Variants in SEMA6D observed in about 807,000 individuals in gnomAD.
SEMA6D encodes semaphorin 6D, also known as semaphorin-6D.
Under a neutral mutation model 106.6 loss-of-function variants are expected in SEMA6D, and 35 were observed. The ratio of observed to expected loss-of-function variants is 0.33; its 90% CI spans 0.25 to 0.44. The LOEUF is 0.44. SEMA6D is among the 20% of genes least tolerant of loss of function. The pLI is 1.00. For synonymous variants in SEMA6D, 499 were observed against 487.7 expected (o/e 1.02, Z -0.31); for missense variants, 1,185 against 1,345.9 (o/e 0.88, Z 1.87).
chr15:47,712,100 T>C (rs566138328), intron 4 of SEMA6D, among the ~76,000 whole-genome samples: 1 of 152,358 alleles, frequency 6.6e-6, no homozygotes, highest in East Asian at 1.9e-4. Context: ...ATATGAATAA[T>C]AGAATGTATA....
intron 3 of SEMA6D, among the ~76,000 whole-genome samples, chr15:47,502,311 A>G (rs1178700435): frequency 2.6e-5 from 4 of 152,214 alleles, no homozygotes; most frequent in Admixed American, 2.0e-4. Context: ...GACCCGTGTC[A>G]TTGACCAAGA....
At chr15:47,340,435 G>A (rs2037768704) in intron 1 of SEMA6D, among the ~76,000 whole-genome samples, 1 of 152,060 alleles carries the variant, frequency 6.6e-6, no homozygotes, top group Admixed American at 6.5e-5. Context: ...GAGGAGAACA[G>A]GGAACCCTCC....
chr15:47,720,138 A>C (rs907086754), intron 1 of SEMA6D, among the ~76,000 whole-genome samples: 2 of 152,242 alleles, frequency 1.3e-5, no homozygotes, highest in South Asian at 2.1e-4. Flanking sequence ...GTTGTTGAGC[A>C]GACTGTTTTC....
At chr15:47,327,580 T>A (rs533376494) in intron 1 of SEMA6D, among the ~76,000 whole-genome samples, 2 of 152,356 alleles carry the variant, frequency 1.3e-5, no homozygotes, top group African/African-American at 4.8e-5. Context: ...GTGCTTTTTG[T>A]CTTTTGACTT....
At chr15:47,357,655 G>A (rs940777161) in intron 1 of SEMA6D, among the ~76,000 whole-genome samples, 4 of 152,090 alleles carry the variant, frequency 2.6e-5, no homozygotes, top group South Asian at 2.1e-4. Flanking sequence ...CATTCTAGCC[G>A]TGCTGGCAGC....
chr15:47,365,888 GAGGAGAGA>G (rs2038999699), intron 1 of SEMA6D, among the ~76,000 whole-genome samples: 5 of 70,122 alleles, frequency 7.1e-5, no homozygotes, highest in East Asian at 2.8e-4. Context: ...GAGAGAGAGA[GAGGAGAGA>G]GAGAGAGAGA....
intron 4 of SEMA6D, among the ~76,000 whole-genome samples, chr15:47,608,762 G>A (rs1247047683): frequency 6.6e-6 from 1 of 152,064 alleles, no homozygotes. Flanking sequence ...TGAAGTATAT[G>A]TATTTAAATC....
chr15:47,186,965 A>G (rs2140899384), intron 1 of SEMA6D, among the ~76,000 whole-genome samples: 1 of 152,300 alleles, frequency 6.6e-6, no homozygotes, highest in East Asian at 1.9e-4. Context: ...TGACTTTAAA[A>G]TATGTTGAAA....
chr15:47,760,335 C>A lies in SEMA6D; in HGVS notation c.141C>A (p.Arg47=). The change falls in exon 3 of 19, where the codon CGC becomes CGA. Residue 47 remains arginine, a synonymous_variant. Transcript: ENST00000536845. The part of the protein sequence containing the change: ...YSRQYPVFRG[R]PSGNESQHRL... ...GGCAATATCCGGTTTTTAGAGGACG[C>A]CCTTCAGGCAATGAATCGCAGCACA... 1 of 1,613,620 alleles carries A rather than the reference C, an allele frequency of 6.2e-7. No homozygotes were observed. Among genetic ancestry groups the A allele is most frequent in the South Asian group, 1.1e-5 (1 of 91,064 alleles).
chr15:47,571,443 A>G (rs927759322), intron 3 of SEMA6D, among the ~76,000 whole-genome samples: 2 of 152,252 alleles, frequency 1.3e-5, no homozygotes, highest in African/African-American at 4.8e-5. Context: ...AGTCCAGAGC[A>G]GTACATTAAG....
chr15:47,214,116 A>C (rs1458187931), intron 1 of SEMA6D, among the ~76,000 whole-genome samples: 1 of 152,206 alleles, frequency 6.6e-6, no homozygotes, highest in Non-Finnish European at 1.5e-5. Flanking sequence ...TAAGATGTCA[A>C]GCAATACATT....
intron 6 of SEMA6D, 49 bp from the exon 7 acceptor site, chr15:47,761,612 C>A: frequency 7.1e-7 from 1 of 1,416,820 alleles, no homozygotes; most frequent in Non-Finnish European, 9.8e-7. Context: ...TGCCTTCAAA[C>A]GGGCACGTTG....
At chr15:47,325,402 A>T (rs1003992983) in intron 1 of SEMA6D, among the ~76,000 whole-genome samples, 3 of 151,344 alleles carry the variant, frequency 2.0e-5, no homozygotes, top group Admixed American at 1.3e-4. Flanking sequence ...CAAACTCCTG[A>T]CCTCAGGTGA....
At chr15:47,580,276 A>T (rs899538928) in intron 3 of SEMA6D, among the ~76,000 whole-genome samples, 4 of 152,196 alleles carry the variant, frequency 2.6e-5, no homozygotes, top group African/African-American at 9.7e-5. Context: ...GCCTTTCCAC[A>T]TAACACTATG....
chr15:47,568,811 G>T (rs1289984071), intron 3 of SEMA6D, among the ~76,000 whole-genome samples: 1 of 152,074 alleles, frequency 6.6e-6, no homozygotes, highest in Non-Finnish European at 1.5e-5. Context: ...TTAGGTTACT[G>T]CAGATACTAA....
At chr15:47,672,147 A>G (rs1326714787) in intron 4 of SEMA6D, among the ~76,000 whole-genome samples, 1 of 152,186 alleles carries the variant, frequency 6.6e-6, no homozygotes, top group Non-Finnish European at 1.5e-5. Context: ...GATCCAAGAC[A>G]CAGAGATGTA....
At chr15:47,378,832 C>T (rs1049230030) in intron 1 of SEMA6D, among the ~76,000 whole-genome samples, 4 of 152,192 alleles carry the variant, frequency 2.6e-5, no homozygotes, top group African/African-American at 7.2e-5. Flanking sequence ...TGGGCCAGTT[C>T]CTAAGTTTAT....
chr15:47,597,611 G>A (rs56943559), intron 3 of SEMA6D, among the ~76,000 whole-genome samples: 42,995 of 151,700 alleles, frequency 0.28, 7,913 homozygotes, highest in African/African-American at 0.52. Context: ...AAATAGACCA[G>A]GCACATAAGA....
At chr15:47,761,601 T>C in intron 6 of SEMA6D, 60 bp from the exon 7 acceptor site, 2 of 1,354,896 alleles carry the variant, frequency 1.5e-6, no homozygotes, top group South Asian at 1.3e-5. Flanking sequence ...TAAAATAGTA[T>C]TGCCTTCAAA....
Sources: gnomAD v4.1 joint callset for allele counts (sites outside exome capture counted in the v4.1 genomes callset) on GRCh38, gnomAD v4.1.1 for gene constraint, MANE v1.5 for transcripts, NCBI Gene and HGNC (gene_info 2026-07-23, HGNC 2026-07-21) for gene names.